ELMO1: variants seen among roughly 807,000 people sequenced by gnomAD.
The protein encoded by ELMO1 is engulfment and cell motility protein 1.
In ELMO1, 26 loss-of-function variants were observed where a neutral mutation model predicts 98.9. That is an observed-to-expected ratio of 0.26 (90% CI 0.19 to 0.36). ELMO1 has a LOEUF of 0.36. Ranked by LOEUF, ELMO1 falls within the 10% of genes least tolerant of loss-of-function variation. ELMO1 has a pLI of 1.00. For synonymous variants in ELMO1, 346 were observed against 346.0 expected (o/e 1.00, Z 0.00); for missense variants, 627 against 935.2 (o/e 0.67, Z 4.30).
intron 16 of ELMO1, among the ~76,000 whole-genome samples, chr7:36,923,482 G>A (rs979739675): frequency 1.3e-5 from 2 of 152,290 alleles, no homozygotes; most frequent in South Asian, 2.1e-4. Context: ...GGATCCACAG[G>A]ATCAGAGGGC....
chr7:37,110,451 T>G (rs1299356017), intron 14 of ELMO1, among the ~76,000 whole-genome samples: 1 of 152,180 alleles, frequency 6.6e-6, no homozygotes, highest in East Asian at 1.9e-4. Flanking sequence ...GCAAAATGAT[T>G]TATTTTAAGT....
At chr7:37,215,802 C>T (rs370023010) in intron 11 of ELMO1, among the ~76,000 whole-genome samples, 10 of 152,326 alleles carry the variant, frequency 6.6e-5, no homozygotes, top group Middle Eastern at 6.8e-3. Context: ...ACGGCATGCC[C>T]CCTCCTTTGG....
chr7:37,140,247 G>A (rs193078252), intron 13 of ELMO1, among the ~76,000 whole-genome samples: 62 of 151,778 alleles, frequency 4.1e-4, no homozygotes, highest in Non-Finnish European at 6.0e-4. Flanking sequence ...TTAGCTGGGC[G>A]TGGTGGCAGG....
chr7:37,174,132 T>C (rs1037250137), intron 13 of ELMO1, among the ~76,000 whole-genome samples: 4 of 152,162 alleles, frequency 2.6e-5, no homozygotes, highest in African/African-American at 9.6e-5. Context: ...CCCTTCCCCA[T>C]TCTACCCCAA....
intron 16 of ELMO1, among the ~76,000 whole-genome samples, chr7:36,951,092 C>T (rs1346533980): frequency 6.6e-6 from 1 of 152,196 alleles, no homozygotes; most frequent in Non-Finnish European, 1.5e-5. Flanking sequence ...CCTACTGTTG[C>T]CACCTTGGTC....
At chr7:36,980,912 T>C (rs1790995654) in intron 16 of ELMO1, among the ~76,000 whole-genome samples, 1 of 152,016 alleles carries the variant, frequency 6.6e-6, no homozygotes, top group Non-Finnish European at 1.5e-5. Context: ...CACTACAAAA[T>C]GTTAAGTAAT....
chr7:36,896,016 C>T (rs1356825676), intron 16 of ELMO1, among the ~76,000 whole-genome samples: 2 of 152,184 alleles, frequency 1.3e-5, no homozygotes, highest in African/African-American at 4.8e-5. Flanking sequence ...CATTAAGTGG[C>T]TGAACTGGGA....
intron 16 of ELMO1, among the ~76,000 whole-genome samples, chr7:37,013,052 G>A (rs35058655): frequency 0.032 from 4,802 of 152,274 alleles, 101 homozygotes; most frequent in Middle Eastern, 0.078. Flanking sequence ...CTCTGCTGGT[G>A]GCTCCAACTT....
At chr7:37,011,390 G>A (rs1348490937) in intron 16 of ELMO1, among the ~76,000 whole-genome samples, 2 of 152,154 alleles carry the variant, frequency 1.3e-5, no homozygotes, top group Admixed American at 6.5e-5. Flanking sequence ...TTGCTAACAA[G>A]GAACTCTTGG....
chr7:37,413,530 G>A lies in ELMO1; in HGVS notation c.-74+35145C>T, dbSNP rs571841040. Among the ~76,000 whole-genome samples the A allele has an allele frequency of 3.9e-5, 6 of 152,336 alleles. No individual in the cohort carries two copies. In the East Asian group the frequency reaches 1.2e-3, roughly 29 times the overall value. On this transcript the variant is annotated intron_variant, in intron 1 of 21. Transcript: ENST00000310758. The stretch of plus-strand genomic sequence containing the variant: ...AATCACCAAATGAACCAAACTGTCT[G>A]AAGATATTTTTCACTTCTCAGAAGA...
At chr7:36,978,998 A>T (rs1213454681) in intron 16 of ELMO1, among the ~76,000 whole-genome samples, 3 of 152,188 alleles carry the variant, frequency 2.0e-5, no homozygotes, top group African/African-American at 7.2e-5. Context: ...CAGGAGAAAA[A>T]ATACTAAAGA....
intron 1 of ELMO1, among the ~76,000 whole-genome samples, chr7:37,418,830 A>G (rs1804345779): frequency 6.6e-6 from 1 of 152,214 alleles, no homozygotes; most frequent in Admixed American, 6.5e-5. Context: ...CAGCTTCTGC[A>G]GTGAAGGGGC....
chr7:37,394,744 TG>T (rs1803220723), intron 1 of ELMO1, among the ~76,000 whole-genome samples: 1 of 152,048 alleles, frequency 6.6e-6, no homozygotes, highest in Admixed American at 6.6e-5. Flanking sequence ...CAGGAGGGCC[TG>T]GGGGGCTTCT....
chr7:37,119,836 T>C (rs1785880580), intron 14 of ELMO1, among the ~76,000 whole-genome samples: 1 of 152,212 alleles, frequency 6.6e-6, no homozygotes. Flanking sequence ...CATTATCTTC[T>C]ATAACAGTCA....
intron 16 of ELMO1, among the ~76,000 whole-genome samples, chr7:36,960,811 C>T (rs545973670): frequency 2.0e-5 from 3 of 152,264 alleles, no homozygotes; most frequent in East Asian, 3.9e-4. Context: ...ATCAGTGTTA[C>T]GTAAATGACA....
intron 16 of ELMO1, among the ~76,000 whole-genome samples, chr7:36,938,983 G>T (rs181318823): frequency 3.3e-5 from 5 of 151,852 alleles, no homozygotes; most frequent in Non-Finnish European, 7.4e-5. Flanking sequence ...AGCTATAATC[G>T]TACAACTGCA....
At chr7:37,403,956 C>T (rs1028887965) in intron 1 of ELMO1, among the ~76,000 whole-genome samples, 1 of 152,036 alleles carries the variant, frequency 6.6e-6, no homozygotes, top group Non-Finnish European at 1.5e-5. Context: ...AACAAATGTA[C>T]CACACTAATG....
intron 16 of ELMO1, among the ~76,000 whole-genome samples, chr7:36,982,615 G>T (rs182375242): frequency 2.3e-4 from 35 of 152,138 alleles, no homozygotes; most frequent in African/African-American, 8.2e-4. Flanking sequence ...ATAATACTAG[G>T]CAAGCATAGC....
intron 8 of ELMO1, among the ~76,000 whole-genome samples, chr7:37,225,478 T>A (rs990075604): frequency 6.6e-6 from 1 of 152,242 alleles, no homozygotes; most frequent in Non-Finnish European, 1.5e-5. Flanking sequence ...GCTTATTATG[T>A]TCTTGTTGCA....
Sources: allele counts gnomAD v4.1 joint callset (sites outside exome capture counted in the v4.1 genomes callset), GRCh38; gene constraint gnomAD v4.1.1; transcripts MANE v1.5; gene names NCBI Gene and HGNC (gene_info 2026-07-23, HGNC 2026-07-21).